Variants in TASP1 observed in about 807,000 individuals in gnomAD.
TASP1 encodes threonine aspartase 1.
In TASP1, 16 loss-of-function variants were observed where a neutral mutation model predicts 56.6. The observed-to-expected ratio is 0.28, with a 90% CI of 0.19 to 0.43. The LOEUF (loss-of-function observed/expected upper bound fraction) is 0.43, where lower values mean the gene tolerates loss of function less well. Among genes scored for constraint, TASP1 ranks in the 20% least tolerant of loss-of-function variants. TASP1 has a pLI of 1.00. For synonymous variants in TASP1, 179 were observed against 184.2 expected (o/e 0.97, Z 0.23); for missense variants, 393 against 511.6 (o/e 0.77, Z 2.24).
chr20:13,544,844 T>C (rs536738019), intron 8 of TASP1, among the ~76,000 whole-genome samples: 6 of 152,202 alleles, frequency 3.9e-5, no homozygotes, highest in African/African-American at 1.4e-4. Flanking sequence ...CTGAGTCTTA[T>C]AGCAGTGGGG....
the TASP1 span, among the ~76,000 whole-genome samples, chr20:13,156,747 A>G: frequency 6.6e-6 from 1 of 152,230 alleles, no homozygotes; most frequent in African/African-American, 2.4e-5. Flanking sequence ...TTGGCATGCC[A>G]TAAGCATTCA....
the TASP1 span, among the ~76,000 whole-genome samples, chr20:13,105,771 A>G: frequency 2.0e-5 from 3 of 152,232 alleles, no homozygotes; most frequent in Non-Finnish European, 4.4e-5. Flanking sequence ...AAGGGAAAAC[A>G]TTCTTAACAG....
chr20:13,325,155 G>A, the TASP1 span, among the ~76,000 whole-genome samples: 3 of 152,304 alleles, frequency 2.0e-5, no homozygotes, highest in South Asian at 6.2e-4. Context: ...AGGACAGCCC[G>A]ACAAATGGGG....
the TASP1 span, among the ~76,000 whole-genome samples, chr20:13,287,911 G>A: frequency 6.6e-6 from 1 of 152,202 alleles, no homozygotes; most frequent in Non-Finnish European, 1.5e-5. Flanking sequence ...CCACTGGGTA[G>A]GTACTCTGCT....
the TASP1 span, among the ~76,000 whole-genome samples, chr20:13,267,152 C>T: frequency 9.2e-3 from 1,403 of 152,300 alleles, 7 homozygotes; most frequent in Non-Finnish European, 0.015. Context: ...AATTTCTTAA[C>T]AGCTTGGGGG....
At chr20:13,513,514 T>C (rs974180738) in intron 10 of TASP1, among the ~76,000 whole-genome samples, 1 of 151,980 alleles carries the variant, frequency 6.6e-6, no homozygotes, top group African/African-American at 2.4e-5. Context: ...CTTCACCACA[T>C]GGATAAGGAG....
intron 13 of TASP1, among the ~76,000 whole-genome samples, chr20:13,411,317 T>C (rs2042087277): frequency 6.6e-6 from 1 of 152,208 alleles, no homozygotes; most frequent in South Asian, 2.1e-4. Context: ...TGGGGTTCCA[T>C]ATAAATGTTA....
chr20:13,407,801 G>A (rs1793678636), intron 13 of TASP1, among the ~76,000 whole-genome samples: 2 of 152,168 alleles, frequency 1.3e-5, no homozygotes, highest in Non-Finnish European at 2.9e-5. Flanking sequence ...TCTACTTGTG[G>A]TTGTCATCTG....
At chr20:13,614,326 A>G (rs2048448363) in intron 4 of TASP1, among the ~76,000 whole-genome samples, 1 of 151,920 alleles carries the variant, frequency 6.6e-6, no homozygotes, top group South Asian at 2.1e-4. Context: ...AACATACTTC[A>G]TTTAAAAAAA....
intron 12 of TASP1, among the ~76,000 whole-genome samples, chr20:13,425,278 A>G (rs1403369233): frequency 6.6e-6 from 1 of 152,168 alleles, no homozygotes; most frequent in African/African-American, 2.4e-5. Flanking sequence ...TACCTCTCTC[A>G]TGATGTTTTC....
At chr20:13,620,456 A>G (rs1292212848) in intron 4 of TASP1, among the ~76,000 whole-genome samples, 1 of 152,186 alleles carries the variant, frequency 6.6e-6, no homozygotes, top group East Asian at 1.9e-4. Flanking sequence ...CCATTAGAAC[A>G]TTTCAGTCAT....
chr20:13,633,099 T>C (rs1192358583), intron 1 of TASP1, among the ~76,000 whole-genome samples: 1 of 152,116 alleles, frequency 6.6e-6, no homozygotes, highest in Non-Finnish European at 1.5e-5. Flanking sequence ...AATTAAGATA[T>C]AGCCCGAAAA....
chr20:13,332,923 G>C, the TASP1 span, among the ~76,000 whole-genome samples: 1 of 152,176 alleles, frequency 6.6e-6, no homozygotes, highest in African/African-American at 2.4e-5. Flanking sequence ...GAGTCTTCCT[G>C]AACTCCTGTG....
chr20:13,353,021 G>C, the TASP1 span, among the ~76,000 whole-genome samples: 1 of 152,154 alleles, frequency 6.6e-6, no homozygotes, highest in African/African-American at 2.4e-5. Flanking sequence ...AGGATTGCTT[G>C]AGACCAGGAG....
the TASP1 span, among the ~76,000 whole-genome samples, chr20:13,305,881 A>G: frequency 5.3e-5 from 8 of 152,186 alleles, no homozygotes; most frequent in Admixed American, 2.6e-4. Context: ...CCAAGCTAAA[A>G]AGACCAGTGC....
chr20:13,490,226 ATT>A (rs766857696), intron 10 of TASP1, among the ~76,000 whole-genome samples: 52 of 151,100 alleles, frequency 3.4e-4, no homozygotes, highest in Middle Eastern at 3.4e-3. Context: ...CAACTACAGA[ATT>A]TCGTTTTAGT....
intron 4 of TASP1, among the ~76,000 whole-genome samples, chr20:13,588,840 C>A (rs779315029): frequency 2.0e-5 from 3 of 151,858 alleles, no homozygotes; most frequent in Admixed American, 2.0e-4. Context: ...ATGCAAGAGA[C>A]GCAGAATAAC....
At chr20:13,452,141 T>C (rs567421617) in intron 11 of TASP1, among the ~76,000 whole-genome samples, 2 of 152,108 alleles carry the variant, frequency 1.3e-5, no homozygotes, top group African/African-American at 2.4e-5. Flanking sequence ...TCAGCACAGA[T>C]ACAGTAACAA....
intron 12 of TASP1, among the ~76,000 whole-genome samples, chr20:13,430,828 A>T (rs1440619893): frequency 2.0e-5 from 3 of 152,226 alleles, no homozygotes; most frequent in Non-Finnish European, 4.4e-5. Flanking sequence ...TTCATGAATC[A>T]GTAGACAAAG....
Sources: gnomAD v4.1 joint callset for allele counts (sites outside exome capture counted in the v4.1 genomes callset) on GRCh38, gnomAD v4.1.1 for gene constraint, MANE v1.5 for transcripts, NCBI Gene and HGNC (gene_info 2026-07-23, HGNC 2026-07-21) for gene names.